The following DHTKD1 variants were observed in gnomAD, a reference collection of about 807,000 sequenced individuals.
The protein encoded by DHTKD1 is dehydrogenase E1 and transketolase domain containing 1, also known as 2-oxoadipate dehydrogenase complex component E1.
In DHTKD1, 78 loss-of-function variants were observed where a neutral mutation model predicts 101.8. That is an observed-to-expected ratio of 0.77 (90% CI 0.64 to 0.93). The LOEUF is 0.93. DHTKD1 is among the 40% of genes least tolerant of loss of function. The probability of loss-of-function intolerance (pLI) is 0.00; values close to 1 mark genes in which losing one functional copy is unlikely to be tolerated. For synonymous variants in DHTKD1, 462 were observed against 450.3 expected (o/e 1.03, Z -0.33); for missense variants, 1,223 against 1,161.7 (o/e 1.05, Z -0.77).
chr10:12,100,072 A>T, intron 8 of DHTKD1, 106 bp from the exon 9 acceptor site: 1 of 590,282 alleles, frequency 1.7e-6, no homozygotes, highest in Non-Finnish European at 2.9e-6. Context: ...CTGGGATTAC[A>T]GGCATGAGCC....
In DHTKD1 at chr10:12,103,625, C is replaced by G. The variant is rs1450860955; in HGVS notation, c.1896+2444C>G. Among the ~76,000 whole-genome samples, 1 of 152,084 alleles carries G rather than the reference C, an allele frequency of 6.6e-6. No individual in the cohort carries two copies. The highest frequency in any genetic ancestry group is 2.4e-5 in the African/African-American group (1 of 41,482). On this transcript the variant is annotated intron_variant, in intron 10 of 16. Coordinates refer to ENST00000263035, the MANE Select transcript of DHTKD1 (RefSeq NM_018706.7). The surrounding 1 kb of genome is among the most constrained non-coding windows in gnomAD (Gnocchi z 4.8). ...CCAGCTCTTAGGCACAAGCAATTGT[C>G]CCGCCTCAGCCTCTCAAGTAGCTGG...
At chr10:12,098,226 A>G (rs1183271967) in intron 8 of DHTKD1, among the ~76,000 whole-genome samples, 2 of 152,140 alleles carry the variant, frequency 1.3e-5, no homozygotes, top group Non-Finnish European at 2.9e-5. Context: ...ATGTTCATAC[A>G]TTACATGTAC....
At chr10:12,113,133 C>T (rs1259455949) in intron 13 of DHTKD1, 69 bp downstream of exon 13, 1 of 1,320,530 alleles carries the variant, frequency 7.6e-7, no homozygotes, top group East Asian at 2.5e-5. Context: ...TCCCTATTTT[C>T]CATATCTAAT....
At chr10:12,105,694 G>T (rs1396821867) in intron 10 of DHTKD1, among the ~76,000 whole-genome samples, 3 of 152,180 alleles carry the variant, frequency 2.0e-5, no homozygotes, top group African/African-American at 7.2e-5. Context: ...TATCCTTGAA[G>T]AAACTCTGTA....
At chr10:12,105,302 CACTTTG>C (rs1480090807) in intron 10 of DHTKD1, among the ~76,000 whole-genome samples, 1 of 151,866 alleles carries the variant, frequency 6.6e-6, no homozygotes, top group Non-Finnish European at 1.5e-5. Context: ...TAACTTTCCT[CACTTTG>C]TTTCATGATA....
In DHTKD1 at chr10:12,100,274, C is replaced by CTTTTTTTTTTGTG; in HGVS notation, c.1756+22_1756+23insGTGTTTTTTTTTT. ...TTTACTTGCTCAAGGTAAGAATTTTCTTTTTTTTTTCTGTTTTTTTTTTTT... is the reference window on the plus strand; with the variant it reads ...TTTACTTGCTCAAGGTAAGAATTTTCTTTTTTTTTTGTGTTTTTTTTTTCTGTTTTTTTTTTTT... On this transcript the variant is annotated intron_variant, in intron 9 of 16. Transcript: ENST00000263035. 4 of 351,668 alleles carry CTTTTTTTTTTGTG rather than the reference C, an allele frequency of 1.1e-5. No individual in the cohort carries two copies. The highest frequency in any genetic ancestry group is 1.2e-4 in the East Asian group (2 of 17,114). 21.8% of individuals were successfully genotyped at this position (351,668 alleles called of 1,614,324 possible).
chr10:12,089,047 A>G lies in DHTKD1; in HGVS notation c.779A>G (p.Asp260Gly). 3 of 1,613,962 alleles carry G rather than the reference A, an allele frequency of 1.9e-6. No individual in the cohort carries two copies. Among genetic ancestry groups the G allele is most frequent in the Non-Finnish European group, 2.5e-6 (3 of 1,179,884 alleles). Residue 260 changes from aspartate to glycine, a missense_variant, in exon 5 of 17, where the codon GAC (aspartate) becomes GGC (glycine). Asp to Gly is a moderately conservative substitution (Grantham distance 94). Transcript: ENST00000263035. ...CCAGAGAATTTCTCAGCCACTGGAG[A>G]CGTCCTGTCTCACCTGACCTCCTCT... ...EFPENFSATG[D>G]VLSHLTSSVD...
intron 8 of DHTKD1, among the ~76,000 whole-genome samples, chr10:12,099,793 CTTTT>C (rs55758504): frequency 0.013 from 1,236 of 96,154 alleles, 14 homozygotes; most frequent in African/African-American, 0.037. Flanking sequence ...AATTTCGTTG[CTTTT>C]TTTTTTTTTT....
intron 1 of DHTKD1, among the ~76,000 whole-genome samples, chr10:12,076,739 A>G (rs563536800): frequency 6.6e-6 from 1 of 152,000 alleles, no homozygotes; most frequent in South Asian, 2.1e-4. Flanking sequence ...GCTCACTGCA[A>G]GCTCCGCCTC....
At chr10:12,109,709 A>G (rs188122634) in intron 12 of DHTKD1, among the ~76,000 whole-genome samples, 1 of 152,164 alleles carries the variant, frequency 6.6e-6, no homozygotes, top group African/African-American at 2.4e-5. Flanking sequence ...GAGTGAAGTA[A>G]TCCCAGCACT....
chr10:12,121,383 A>T lies in DHTKD1; in HGVS notation c.*495A>T, dbSNP rs912068397. ...ATAACCAGGGGAACTGGTTATGAAT[A>T]TGTGAATGCAACCAGCAAATTTATC... On this transcript the variant is annotated 3_prime_UTR_variant, in exon 17 of 17. Coordinates refer to ENST00000263035, the MANE Select transcript of DHTKD1 (RefSeq NM_018706.7). The T allele has an allele frequency of 6.5e-6, 1 of 154,276 alleles. No homozygotes were observed. The allele number at this position is 154,276 out of a possible 1,614,324, so 9.6% of individuals were successfully genotyped here.
At chr10:12,082,275 G>C (rs1008863632) in intron 2 of DHTKD1, among the ~76,000 whole-genome samples, 2 of 152,134 alleles carry the variant, frequency 1.3e-5, no homozygotes, top group Non-Finnish European at 2.9e-5. Flanking sequence ...ACTCATAGCT[G>C]CTCAGTGGCA....
In DHTKD1 at chr10:12,069,081, T is replaced by C. The variant is rs1394968906; in HGVS notation, c.48T>C (p.Ala16=). The C allele has an allele frequency of 1.2e-6, 2 of 1,612,632 alleles. No individual in the cohort carries two copies. Among genetic ancestry groups the C allele is most frequent in the African/African-American group, 1.3e-5 (1 of 74,822 alleles). Residue 16 remains alanine, a synonymous_variant, in exon 1 of 17, where the codon GCT becomes GCC. Transcript: ENST00000263035. ...AAAARRGLGR[A]LPLFWRGYQT... is the part of the protein sequence containing the mutation. ...CAGCACGACGGGGCCTCGGCCGGGC[T>C]CTCCCTCTCTTCTGGCGTGGCTACC...
intron 3 of DHTKD1, among the ~76,000 whole-genome samples, chr10:12,086,499 A>C (rs1022649776): frequency 6.6e-6 from 1 of 151,070 alleles, no homozygotes; most frequent in Non-Finnish European, 1.5e-5. Flanking sequence ...GATTACAGGC[A>C]TGAGCCACCG....
intron 1 of DHTKD1, among the ~76,000 whole-genome samples, chr10:12,071,645 G>A (rs1391293471): frequency 6.6e-6 from 1 of 150,584 alleles, no homozygotes; most frequent in Non-Finnish European, 1.5e-5. Context: ...TGCAGACGTG[G>A]GGCCAGGCAC....
At chr10:12,083,274 T>G (rs922077780) in intron 2 of DHTKD1, among the ~76,000 whole-genome samples, 5 of 126,108 alleles carry the variant, frequency 4.0e-5, no homozygotes, top group Non-Finnish European at 9.3e-5. Flanking sequence ...TAATCATAGC[T>G]AATGAGCTGC....
intron 1 of DHTKD1, among the ~76,000 whole-genome samples, chr10:12,071,680 C>T (rs1017615881): frequency 2.0e-5 from 3 of 152,106 alleles, no homozygotes; most frequent in East Asian, 3.9e-4. Context: ...GTAATCCCCG[C>T]ACTTTGGGAG....
At chr10:12,114,853 T>TA in intron 13 of DHTKD1, among the ~76,000 whole-genome samples, 1 of 151,722 alleles carries the variant, frequency 6.6e-6, no homozygotes, top group African/African-American at 2.4e-5. Context: ...TGGAGTGCAG[T>TA]GCTGCGATCT....
chr10:12,112,212 G>A (rs976868760), intron 12 of DHTKD1, among the ~76,000 whole-genome samples: 1 of 152,118 alleles, frequency 6.6e-6, no homozygotes, highest in African/African-American at 2.4e-5. Flanking sequence ...TACTTGGGAG[G>A]CTCTGGTGGG....
Sources: gnomAD v4.1 joint callset for allele counts (sites outside exome capture counted in the v4.1 genomes callset) on GRCh38, gnomAD v4.1.1 for gene constraint, Gnocchi (gnomAD v3.1) non-coding constraint, MANE v1.5 for transcripts, NCBI Gene and HGNC (gene_info 2026-07-23, HGNC 2026-07-21) for gene names.